The following CCDC180 variants were observed in gnomAD, a reference collection of about 807,000 sequenced individuals.
The protein encoded by CCDC180 is coiled-coil domain containing 180, also known as coiled-coil domain-containing protein 180.
In CCDC180, 154 loss-of-function variants were observed where a neutral mutation model predicts 209.2. The observed-to-expected ratio is 0.74, with a 90% CI of 0.65 to 0.84. CCDC180 has a LOEUF of 0.84. Among genes scored for constraint, CCDC180 ranks in the 40% least tolerant of loss-of-function variants. The pLI, the probability that CCDC180 is intolerant of heterozygous loss-of-function variation, is 0.00. For synonymous variants in CCDC180, 778 were observed against 749.1 expected (o/e 1.04, Z -0.63); for missense variants, 1,874 against 1,997.3 (o/e 0.94, Z 1.18).
rs371307422 is a variant in CCDC180 at position 97,318,557 on chromosome 9, C to T, written c.1054C>T (p.Arg352Trp). Residue 352 changes from arginine (R) to tryptophan (W), a missense_variant, in exon 10 of 37, where the codon CGG becomes TGG. Physicochemically the swap from Arg to Trp is moderately radical, Grantham distance 101 (BLOSUM62 -3). Coordinates refer to ENST00000529487, the MANE Select transcript of CCDC180 (RefSeq NM_020893.6). ...LKTQNVLQQRRLKHLCTICDL... is the reference protein window; with the variant it reads ...LKTQNVLQQRWLKHLCTICDL... ...GACCCAGAACGTCCTGCAGCAAAGG[C>T]GGCTGAAGCATCTCTGCACCATCTG... is the stretch of plus-strand genomic sequence containing the variant. 19 of 1,613,094 alleles carry T rather than the reference C, an allele frequency of 1.2e-5. No homozygotes were observed. Among genetic ancestry groups the T allele is most frequent in the African/African-American group, 4.0e-5 (3 of 74,918 alleles).
chr9:97,358,541 C>T (rs1213408597), intron 25 of CCDC180, among the ~76,000 whole-genome samples: 1 of 152,174 alleles, frequency 6.6e-6, no homozygotes, highest in African/African-American at 2.4e-5. Flanking sequence ...CTCTGATCCT[C>T]AGAGCAGGTC....
intron 23 of CCDC180, 82 bp downstream of exon 23, chr9:97,354,795 T>C (rs907899098): frequency 6.3e-6 from 10 of 1,589,602 alleles, no homozygotes; most frequent in Admixed American, 5.1e-5. Context: ...GGCCAAGCCC[T>C]CCATCCAACC....
At chr9:97,374,000 G>A (rs1319327089) in intron 34 of CCDC180, 1 of 153,030 alleles carries the variant, frequency 6.5e-6, no homozygotes, top group Non-Finnish European at 1.5e-5. Context: ...TCTGCAACTC[G>A]GCTTCTGAGC....
At chr9:97,319,802 T>G (rs555056839) in intron 10 of CCDC180, among the ~76,000 whole-genome samples, 2 of 152,336 alleles carry the variant, frequency 1.3e-5, no homozygotes, top group East Asian at 3.9e-4. Context: ...ATACATAAAC[T>G]TTATGTGCAT....
At chr9:97,309,794 G>A (rs10817403) in intron 3 of CCDC180, among the ~76,000 whole-genome samples, 190 bp downstream of exon 3, 122,982 of 152,128 alleles carry the variant, frequency 0.81, 50,357 homozygotes, top group East Asian at 0.95. Context: ...CACTCCCACA[G>A]TCATTATTGA....
intron 13 of CCDC180, 144 bp from the exon 14 acceptor site, chr9:97,324,875 G>A (rs889026605): frequency 1.4e-5 from 10 of 699,980 alleles, no homozygotes; most frequent in Non-Finnish European, 2.3e-5. Flanking sequence ...AAGAGCACAG[G>A]TGTGGCCTAG....
intron 4 of CCDC180, 127 bp from the exon 5 acceptor site, chr9:97,313,109 G>A (rs1833044735): frequency 1.6e-6 from 1 of 628,062 alleles, no homozygotes; most frequent in Non-Finnish European, 2.9e-6. Context: ...TTAAGCCTCT[G>A]CCACCCTGAC....
In CCDC180 at chr9:97,377,073, C is replaced by G. The variant is rs1274346221; in HGVS notation, c.*179C>G. ...GCATGGTCCCTGCCCACGTGGAGCC[C>G]TCTTCCCATGAGGAAGGCAAGCATG... On this transcript the variant is annotated 3_prime_UTR_variant, in exon 37 of 37. Coordinates refer to ENST00000529487, the MANE Select transcript of CCDC180 (RefSeq NM_020893.6). 2 of 542,042 alleles carry G rather than the reference C, an allele frequency of 3.7e-6. No homozygotes were observed. Among genetic ancestry groups the G allele is most frequent in the African/African-American group, 3.8e-5 (2 of 52,020 alleles). 33.6% of individuals were successfully genotyped at this position (542,042 alleles called of 1,614,324 possible). A position where few individuals can be genotyped will look rare whatever the true frequency, so the allele number is the denominator to read the frequency against.
Position 97,378,245 on chromosome 9 carries a change from T to G in CCDC180, c.*1351T>G, listed in dbSNP as rs1418801131. On this transcript the variant is annotated 3_prime_UTR_variant, in exon 37 of 37. Coordinates refer to ENST00000529487, the MANE Select transcript of CCDC180 (RefSeq NM_020893.6). ...TCCTGGAATCTAGAGACAGTCACTG[T>G]CCATAGCATCTTTCCATGTATGTGA... 2.0e-5 allele frequency: 3 copies of G among 152,182 alleles called. No individual in the cohort carries two copies. The highest frequency in any genetic ancestry group is 7.2e-5 in the African/African-American group (3 of 41,442). 9.4% of individuals were successfully genotyped at this position (152,182 alleles called of 1,614,324 possible).
intron 21 of CCDC180, among the ~76,000 whole-genome samples, chr9:97,350,060 G>A (rs894410685): frequency 7.2e-5 from 11 of 152,080 alleles, no homozygotes; most frequent in South Asian, 2.1e-4. Context: ...TTCTACTGCC[G>A]CTTTTGCTAC....
intron 24 of CCDC180, 33 bp downstream of exon 24, chr9:97,355,041 T>C: frequency 7.1e-7 from 1 of 1,409,624 alleles, no homozygotes. Flanking sequence ...CAAGGATCTT[T>C]ATCACACACA....
rs760401829 is a variant in CCDC180 at position 97,325,167 on chromosome 9, G to A, written c.1520G>A (p.Arg507Gln). 2.2e-5 allele frequency: 36 copies of A among 1,604,218 alleles called. 1 individual carries two copies. The Middle Eastern group carries it at 1.2e-3, about 52-fold the overall frequency. Residue 507 changes from arginine (R) to glutamine (Q), a missense_variant, in exon 14 of 37, where the codon CGG becomes CAG. Coordinates refer to ENST00000529487, the MANE Select transcript of CCDC180 (RefSeq NM_020893.6). ...LELEKRMEQH[R>Q]QKHSLESQVQ... ...CTGGAGAAGAGGATGGAGCAGCACC[G>A]GCAGAAGCACAGCCTGGAGAGCCAG...
chr9:97,354,590 CT>C lies in CCDC180; in HGVS notation c.3028del (p.Ser1010LeufsTer19). On this transcript the variant is annotated frameshift_variant, in exon 23 of 37. Coordinates refer to ENST00000529487, the MANE Select transcript of CCDC180 (RefSeq NM_020893.6). LOFTEE classifies it high-confidence loss of function. ...HCRLFSEGGN[F>X]SPKEINSLCS... ...TCAGATTGTTTTCAGAGGGAGGCAA[CT>C]TTTCTCCTAAAGAAATCAATTCACT... 2 of 1,614,176 alleles carry C rather than the reference CT, an allele frequency of 1.2e-6. No individual in the cohort carries two copies. The highest frequency in any genetic ancestry group is 1.7e-6 in the Non-Finnish European group (2 of 1,180,022).
intron 32 of CCDC180, among the ~76,000 whole-genome samples, chr9:97,370,297 A>G (rs1047605899): frequency 4.6e-5 from 7 of 152,190 alleles, no homozygotes; most frequent in Non-Finnish European, 1.0e-4. Flanking sequence ...CTTGTTGGCT[A>G]TAATGGGTGG....
chr9:97,371,611 A>T lies in CCDC180; in HGVS notation c.4505A>T (p.Asn1502Ile). The T allele has an allele frequency of 1.2e-6, 2 of 1,603,678 alleles. 1 individual carries two copies. The highest frequency in any genetic ancestry group is 2.2e-5 in the South Asian group (2 of 90,436). ...TTTTTCCAGGAATGTACCAGAAGGA[A>T]TGGCCAGGTTTTCATAACCAACTTG... Reference protein sequence around the residue: ...KEKLEECTRRNGQVFITNLAT... With the variant: ...KEKLEECTRRIGQVFITNLAT... The change falls in exon 34 of 37, where the codon AAT (asparagine) becomes ATT (isoleucine). Residue 1502 changes from asparagine to isoleucine, a missense_variant. Transcript: ENST00000529487.
intron 13 of CCDC180, 82 bp downstream of exon 13, chr9:97,323,985 A>G (rs949906980): frequency 2.0e-6 from 3 of 1,480,830 alleles, no homozygotes; most frequent in African/African-American, 1.4e-5. Flanking sequence ...GGAGAGTCCA[A>G]GAACTCCAAC....
intron 21 of CCDC180, 73 bp downstream of exon 21, chr9:97,349,364 A>G: frequency 1.5e-6 from 2 of 1,342,846 alleles, no homozygotes; most frequent in East Asian, 2.5e-5. Context: ...CTTTCAAAGG[A>G]GCCCCCCTCC....
chr9:97,373,594 T>A (rs1197430193), intron 34 of CCDC180: 1 of 152,242 alleles, frequency 6.6e-6, no homozygotes, highest in Non-Finnish European at 1.5e-5. Context: ...CTCTTCAGCA[T>A]TTTCAGTTGC....
Position 97,349,208 on chromosome 9 carries a change from A to G in CCDC180, c.2772A>G (p.Glu924=). Residue 924 remains glutamate (E), a synonymous_variant, in exon 21 of 37, where the codon GAA becomes GAG. Coordinates refer to ENST00000529487, the MANE Select transcript of CCDC180 (RefSeq NM_020893.6). ...GGCTGATGTTCTGCCAGTTCCAAGA[A>G]GAGCAAAACGTGAGGAGCAAAAACT... ...KKRLMFCQFQ[E]EQNVRSKNFR... is the part of the protein sequence containing the mutation. The G allele has an allele frequency of 6.5e-7, 1 of 1,536,646 alleles. No individual in the cohort carries two copies. Among genetic ancestry groups the G allele is most frequent in the Non-Finnish European group, 8.7e-7 (1 of 1,147,036 alleles).
Sources: gnomAD v4.1 joint callset for allele counts (sites outside exome capture counted in the v4.1 genomes callset) on GRCh38, gnomAD v4.1.1 for gene constraint, MANE v1.5 for transcripts, NCBI Gene and HGNC (gene_info 2026-07-23, HGNC 2026-07-21) for gene names.